Variants in FHAD1 observed in about 807,000 individuals in gnomAD.
The protein encoded by FHAD1 is forkhead associated phosphopeptide binding domain 1, also known as forkhead-associated domain-containing protein 1.
In FHAD1, 146 loss-of-function variants were observed where a neutral mutation model predicts 191.3. The ratio of observed to expected loss-of-function variants is 0.76; its 90% CI spans 0.67 to 0.88. The LOEUF (loss-of-function observed/expected upper bound fraction) is 0.88. Among genes scored for constraint, FHAD1 ranks in the 40% least tolerant of loss-of-function variants. The pLI is 0.00. For missense variants in FHAD1, 1,635 were observed against 1,785.8 expected (o/e 0.92, Z 1.52); for synonymous variants, 616 against 672.3 (o/e 0.92, Z 1.29).
At chr1:15,359,746 C>G (rs556478559) in intron 21 of FHAD1, among the ~76,000 whole-genome samples, 2 of 151,922 alleles carry the variant, frequency 1.3e-5, no homozygotes, top group Admixed American at 1.3e-4. Flanking sequence ...GTCAAGAGAT[C>G]GAGACCATCC....
chr1:15,377,045 T>C (rs906722354), intron 28 of FHAD1, among the ~76,000 whole-genome samples: 2 of 152,164 alleles, frequency 1.3e-5, no homozygotes, highest in African/African-American at 4.8e-5. Flanking sequence ...AGTGATTTGA[T>C]TGTGCAGTTG....
At chr1:15,314,533 C>G (rs1453093162) in intron 8 of FHAD1, 1 of 152,192 alleles carries the variant, frequency 6.6e-6, no homozygotes, top group East Asian at 1.9e-4. Flanking sequence ...CCGCCTCGCC[C>G]AGCCCTCTGC....
chr1:15,273,503 T>G (rs1452928432), intron 3 of FHAD1, among the ~76,000 whole-genome samples: 2 of 152,300 alleles, frequency 1.3e-5, no homozygotes, highest in East Asian at 3.9e-4. Flanking sequence ...TTTCTTTGCT[T>G]CCTTGCTTTG....
chr1:15,291,618 T>C (rs1664805959), intron 4 of FHAD1, among the ~76,000 whole-genome samples: 2 of 152,182 alleles, frequency 1.3e-5, no homozygotes, highest in Non-Finnish European at 2.9e-5. Flanking sequence ...TATAGCACCC[T>C]AAAACAAACC....
intron 27 of FHAD1, 86 bp from the exon 28 acceptor site, chr1:15,375,517 G>A: frequency 7.9e-7 from 1 of 1,271,438 alleles, no homozygotes; most frequent in Non-Finnish European, 1.1e-6. Flanking sequence ...GCCTGTGTAA[G>A]TGTCCTGTAA....
intron 2 of FHAD1, among the ~76,000 whole-genome samples, chr1:15,261,279 G>A (rs1013197218): frequency 2.0e-5 from 3 of 152,170 alleles, no homozygotes; most frequent in Non-Finnish European, 2.9e-5. Context: ...CCAAGGTCAC[G>A]TATGACGGGC....
chr1:15,273,980 C>G (rs530329119), intron 3 of FHAD1, among the ~76,000 whole-genome samples: 1 of 152,172 alleles, frequency 6.6e-6, no homozygotes, highest in Non-Finnish European at 1.5e-5. Flanking sequence ...CTTGTATAAG[C>G]GAAATCATAC....
chr1:15,298,146 C>T (rs572536653), intron 5 of FHAD1, among the ~76,000 whole-genome samples: 11 of 152,150 alleles, frequency 7.2e-5, no homozygotes, highest in South Asian at 2.1e-4. Context: ...CATCAATCAA[C>T]GAGTGGATAA....
rs570987717 is a variant in FHAD1, at chr1:15,346,021, G to C, written c.2346+498G>C. On this transcript the variant is annotated intron_variant, in intron 18 of 33. Transcript: ENST00000688493. ...TGTGTCAAACTCTTACGCCCCGGAGGAGTATCAGTCCTCCGCCCTCCCCTG... is the reference window on the plus strand; with the variant it reads ...TGTGTCAAACTCTTACGCCCCGGAGCAGTATCAGTCCTCCGCCCTCCCCTG... 1.8e-4 allele frequency among the ~76,000 whole-genome samples: 28 copies of C among 152,248 alleles called. No homozygotes were observed. The South Asian group carries it at 4.4e-3, about 24-fold the overall frequency.
chr1:15,383,704 C>G, intron 31 of FHAD1: 2 of 301,406 alleles, frequency 6.6e-6, no homozygotes, highest in Non-Finnish European at 1.3e-5. Context: ...TCTTCATGAC[C>G]GTCTCCAGGC....
chr1:15,340,345 G>A (rs544263809), intron 15 of FHAD1, among the ~76,000 whole-genome samples: 105 of 152,262 alleles, frequency 6.9e-4, no homozygotes, highest in Middle Eastern at 3.4e-3. Context: ...TACTCCTCAC[G>A]TGTCTGGGGT....
chr1:15,279,826 T>C (rs111285774), intron 3 of FHAD1, among the ~76,000 whole-genome samples: 5 of 152,124 alleles, frequency 3.3e-5, no homozygotes, highest in African/African-American at 7.2e-5. Context: ...ATGAGCCCCA[T>C]TGTGGGAGGG....
intron 28 of FHAD1, among the ~76,000 whole-genome samples, chr1:15,376,085 A>C (rs149420755): frequency 8.0e-6 from 1 of 125,408 alleles, no homozygotes; most frequent in African/African-American, 3.4e-5. Context: ...TTATTTTTTT[A>C]TTTATTTTTT....
At position 15,360,481 on chromosome 1, in the gene FHAD1, A is replaced by G. The variant is rs998986243; in HGVS notation, c.2740A>G (p.Met914Val). The G allele has an allele frequency of 7.7e-6, 12 of 1,550,924 alleles. No individual in the cohort carries two copies. The highest frequency in any genetic ancestry group is 1.0e-5 in the Non-Finnish European group (12 of 1,146,824). Residue 914 changes from methionine (M) to valine (V), a missense_variant, in exon 22 of 34, where the codon ATG becomes GTG. Met to Val is a conservative substitution (Grantham distance 21). Transcript: ENST00000688493. The part of the protein sequence containing the change: ...ELETTKTKMI[M>V]VEERLILQQK... Reference sequence around the variant, plus strand: ...TGAGTGACTCTCTGTTTCCCAGATCATGGTGGAAGAGCGGCTAATCCTGCA... The same window carrying G: ...TGAGTGACTCTCTGTTTCCCAGATCGTGGTGGAAGAGCGGCTAATCCTGCA...
Position 15,329,139 on chromosome 1 carries a change from C to T in FHAD1, c.1711-207C>T. ...GACCTAAAAGGGGGTTCGCTTTGAC[C>T]ATCAAAAGTCCAAATTAGAGTATTA... On this transcript the variant is annotated intron_variant, in intron 13 of 33. Coordinates refer to ENST00000688493, the MANE Select transcript of FHAD1 (RefSeq NM_001391957.1). This position sits in a 1 kb window ranked among gnomAD's most constrained non-coding sequence, Gnocchi z 5.0. 2.3e-6 allele frequency: 1 copy of T among 441,314 alleles called. No individual in the cohort carries two copies. The highest frequency in any genetic ancestry group is 5.5e-5 in the South Asian group (1 of 18,030). 27.3% of individuals were successfully genotyped at this position (441,314 alleles called of 1,614,324 possible).
At chr1:15,358,033 G>C in intron 20 of FHAD1, 77 bp from the exon 21 acceptor site, 1 of 1,029,506 alleles carries the variant, frequency 9.7e-7, no homozygotes, top group Non-Finnish European at 1.4e-6. Flanking sequence ...CCCTGTCCTT[G>C]AAGGTGGGGG....
upstream of FHAD1, among the ~76,000 whole-genome samples, chr1:15,242,312 CCATGTG>C (rs1645486376): frequency 6.6e-6 from 1 of 151,734 alleles, no homozygotes; most frequent in Non-Finnish European, 1.5e-5. Context: ...TCCAGAACCA[CCATGTG>C]CAAGATTTGT....
At chr1:15,301,841 A>G (rs558135019) in intron 6 of FHAD1, among the ~76,000 whole-genome samples, 2 of 152,306 alleles carry the variant, frequency 1.3e-5, no homozygotes, top group South Asian at 4.1e-4. Context: ...AGCCTGGCCA[A>G]TATGGTGAAA....
At chr1:15,323,808 T>G (rs1235202703) in intron 10 of FHAD1, among the ~76,000 whole-genome samples, 3 of 152,182 alleles carry the variant, frequency 2.0e-5, no homozygotes, top group Admixed American at 6.5e-5. Flanking sequence ...TTTCCCCACT[T>G]TAAACGCCTT....
Sources: gnomAD v4.1 joint callset for allele counts (sites outside exome capture counted in the v4.1 genomes callset) on GRCh38, gnomAD v4.1.1 for gene constraint, Gnocchi (gnomAD v3.1) non-coding constraint, MANE v1.5 for transcripts, NCBI Gene and HGNC (gene_info 2026-07-23, HGNC 2026-07-21) for gene names.